The following AHDC1 variants were observed in gnomAD, a reference collection of about 807,000 sequenced individuals.
AHDC1 encodes transcription factor Gibbin.
A neutral mutation model predicts 87.9 loss-of-function variants in AHDC1; 7 were observed. That is an observed-to-expected ratio of 0.08 (90% CI 0.05 to 0.15). The LOEUF (loss-of-function observed/expected upper bound fraction) is 0.15. Ranked by LOEUF, AHDC1 falls within the 10% of genes least tolerant of loss-of-function variation. The pLI is 1.00. For missense variants in AHDC1, 1,841 were observed against 2,253.2 expected (o/e 0.82, Z 3.70); for synonymous variants, 1,051 against 1,006.8 (o/e 1.04, Z -0.83).
At position 27,551,957 on chromosome 1, in the gene AHDC1, G is replaced by A; in HGVS notation, c.159C>T (p.Ser53=). 1 of 1,533,280 alleles carries A rather than the reference G, an allele frequency of 6.5e-7. No homozygotes were observed. The highest frequency in any genetic ancestry group is 8.8e-7 in the Non-Finnish European group (1 of 1,138,212). The allele number at this position is 1,533,280 out of a possible 1,614,324, so 95.0% of individuals were successfully genotyped here. A position where few individuals can be genotyped will look rare whatever the true frequency, so the allele number is the denominator to read the frequency against. The part of the protein sequence containing the change: ...PPASPPDKAF[S]THAFSENPRP... ...GTGGGTTCTCGGAGAAGGCGTGGGT[G>A]GAGAAGGCCTTGTCAGGTGGGCTGG... The change falls in exon 8 of 9, where the codon TCC becomes TCT. Residue 53 remains serine, a synonymous_variant. Transcript: ENST00000673934.
chr1:27,566,378 G>C (rs1011901434), intron 3 of AHDC1, among the ~76,000 whole-genome samples: 1 of 151,950 alleles, frequency 6.6e-6, no homozygotes, highest in Non-Finnish European at 1.5e-5. Flanking sequence ...CAGGAAGAGA[G>C]AGAGACAAGG....
chr1:27,592,767 T>G (rs1296811361), intron 3 of AHDC1, among the ~76,000 whole-genome samples: 1 of 152,130 alleles, frequency 6.6e-6, no homozygotes, highest in East Asian at 1.9e-4. Context: ...GTCATCCCTC[T>G]CTAGCCTGGA....
chr1:27,582,009 C>T (rs1441788594), intron 3 of AHDC1, among the ~76,000 whole-genome samples: 3 of 152,218 alleles, frequency 2.0e-5, no homozygotes, highest in Non-Finnish European at 4.4e-5. Context: ...TTGGGATTGC[C>T]TCTGGGTCCA....
rs1479197513 is a variant in AHDC1, at chr1:27,565,617, C to CT, written c.-628-6735dup. ...TCTAGTCTTTCCTTGTTCCTCATAA[C>CT]TTTGAGTTTGTTCCAGGAACTCAAA... On this transcript the variant is annotated intron_variant, in intron 3 of 8. Coordinates refer to ENST00000673934, the MANE Select transcript of AHDC1 (RefSeq NM_001371928.1). This position sits in a 1 kb window ranked among gnomAD's most constrained non-coding sequence, Gnocchi z 4.6. Among the ~76,000 whole-genome samples the CT allele has an allele frequency of 1.3e-5, 2 of 152,198 alleles. No homozygotes were observed. The highest frequency in any genetic ancestry group is 2.4e-5 in the African/African-American group (1 of 41,446).
At position 27,565,451 on chromosome 1, in the gene AHDC1, A is replaced by C. The variant is rs1018701697; in HGVS notation, c.-628-6568T>G. On this transcript the variant is annotated intron_variant, in intron 3 of 8. Transcript: ENST00000673934. This position sits in a 1 kb window ranked among gnomAD's most constrained non-coding sequence, Gnocchi z 4.6. The stretch of plus-strand genomic sequence containing the variant: ...AGACTGGGAGGGCGGGCCAGACAGC[A>C]GGGGCTGCCAGTCTTGAAGGGAGGC... Among the ~76,000 whole-genome samples the C allele has an allele frequency of 2.0e-5, 3 of 152,180 alleles. No individual in the cohort carries two copies. Among genetic ancestry groups the C allele is most frequent in the Non-Finnish European group, 4.4e-5 (3 of 68,022 alleles).
At position 27,547,273 on chromosome 1, in the gene AHDC1, C is replaced by A. The variant is rs755880842; in HGVS notation, c.*31G>T. 2.6e-6 allele frequency: 4 copies of A among 1,513,558 alleles called. No individual in the cohort carries two copies. The highest frequency in any genetic ancestry group is 2.7e-6 in the Non-Finnish European group (3 of 1,132,032). 93.8% of individuals were successfully genotyped at this position (1,513,558 alleles called of 1,614,324 possible). On this transcript the variant is annotated 3_prime_UTR_variant, in exon 8 of 9. Coordinates refer to ENST00000673934, the MANE Select transcript of AHDC1 (RefSeq NM_001371928.1). This position sits in a 1 kb window ranked among gnomAD's most constrained non-coding sequence, Gnocchi z 4.9. ...TCCCCAGACTCACCCAGGAACAAAA[C>A]CTCGCGGTCCAGTCGGCACTTCAGT...
At chr1:27,588,921 G>A (rs1055641278) in intron 3 of AHDC1, among the ~76,000 whole-genome samples, 1 of 152,048 alleles carries the variant, frequency 6.6e-6, no homozygotes, top group Non-Finnish European at 1.5e-5. Flanking sequence ...AAAGACAAGA[G>A]GGAACACATG....
intron 3 of AHDC1, among the ~76,000 whole-genome samples, chr1:27,579,269 G>A (rs2088843642): frequency 6.6e-6 from 1 of 151,980 alleles, no homozygotes; most frequent in South Asian, 2.1e-4. Flanking sequence ...GGTCTTGTGG[G>A]TTCTGGCTTT....
In AHDC1 at chr1:27,553,765, TA is replaced by T. The variant is rs569627672; in HGVS notation, c.-224-581del. Among the ~76,000 whole-genome samples the T allele has an allele frequency of 5.3e-5, 8 of 151,182 alleles. No individual in the cohort carries two copies. The East Asian group carries it at 7.7e-4, about 15-fold the overall frequency. ...ACAGCACATGGCCTACAGCAGCGCTTAAAAAAAAACAGCTGTTTGGCCAGGC... is the reference window on the plus strand; with the variant it reads ...ACAGCACATGGCCTACAGCAGCGCTTAAAAAAAACAGCTGTTTGGCCAGGC... On this transcript the variant is annotated intron_variant, in intron 5 of 8. Coordinates refer to ENST00000673934, the MANE Select transcript of AHDC1 (RefSeq NM_001371928.1).
chr1:27,588,559 G>A (rs147102475), intron 3 of AHDC1, among the ~76,000 whole-genome samples: 9 of 152,322 alleles, frequency 5.9e-5, no homozygotes, highest in African/African-American at 1.9e-4. Context: ...GTGAAGAGCA[G>A]TAACAAATAC....
At chr1:27,535,849 G>A (rs2018616302) in intron 8 of AHDC1, among the ~76,000 whole-genome samples, 1 of 152,068 alleles carries the variant, frequency 6.6e-6, no homozygotes, top group South Asian at 2.1e-4. Flanking sequence ...CAGACCCCCA[G>A]CTTGGCTAGA....
At chr1:27,570,517 G>A (rs374881852) in intron 3 of AHDC1, among the ~76,000 whole-genome samples, 18 of 152,044 alleles carry the variant, frequency 1.2e-4, no homozygotes, top group South Asian at 8.3e-4. Context: ...AGCTTGATCC[G>A]TACCCTAGAT....
Position 27,550,397 on chromosome 1 carries a change from A to C in AHDC1, c.1719T>G (p.Thr573=). ...GCATGGCCATGGTGGCCGCTGCCACAGTGGCTGCCTCGGCCGCCACCACAG... is the reference window on the plus strand; with the variant it reads ...GCATGGCCATGGTGGCCGCTGCCACCGTGGCTGCCTCGGCCGCCACCACAG... ...EPAVVAAEAA[T]VAAATMAMPE... The change falls in exon 8 of 9, where the codon ACT becomes ACG. Residue 573 remains threonine (T), a synonymous_variant. Transcript: ENST00000673934. 6.2e-7 allele frequency: 1 copy of C among 1,612,462 alleles called. No individual in the cohort carries two copies. The highest frequency in any genetic ancestry group is 8.5e-7 in the Non-Finnish European group (1 of 1,178,984).
At chr1:27,539,902 C>T (rs564822688) in intron 8 of AHDC1, among the ~76,000 whole-genome samples, 6 of 152,250 alleles carry the variant, frequency 3.9e-5, no homozygotes, top group African/African-American at 1.4e-4. Flanking sequence ...TGTGTCTCTA[C>T]CACCTCTCAG....
chr1:27,593,132 C>T lies in AHDC1; in HGVS notation c.-629+10265G>A, dbSNP rs1315372890. 2.6e-5 allele frequency among the ~76,000 whole-genome samples: 4 copies of T among 152,156 alleles called. No homozygotes were observed. Among genetic ancestry groups the T allele is most frequent in the Middle Eastern group, 6.8e-3 (2 of 294 alleles). ...GTGGAACGGAGTAGACACGGTGTCT[C>T]CTCAGGGAAGGCCCCTAGGGTCCCG... is the stretch of plus-strand genomic sequence containing the variant. On this transcript the variant is annotated intron_variant, in intron 3 of 8. Coordinates refer to ENST00000673934, the MANE Select transcript of AHDC1 (RefSeq NM_001371928.1). The surrounding 1 kb of genome is among the most constrained non-coding windows in gnomAD (Gnocchi z 4.9).
At chr1:27,575,764 C>T (rs1038330373) in intron 3 of AHDC1, among the ~76,000 whole-genome samples, 9 of 151,726 alleles carry the variant, frequency 5.9e-5, no homozygotes, top group Non-Finnish European at 8.8e-5. Context: ...GCCCCGGGCC[C>T]GGCGGAATGC....
intron 3 of AHDC1, among the ~76,000 whole-genome samples, chr1:27,566,825 AAGG>A (rs1379485939): frequency 1.6e-5 from 2 of 128,422 alleles, no homozygotes; most frequent in African/African-American, 3.0e-5. Flanking sequence ...TGGGGGGAAG[AAGG>A]AGCAGAGCTG....
In AHDC1 at chr1:27,599,224, C is replaced by T. The variant is rs904555352; in HGVS notation, c.-629+4173G>A. On this transcript the variant is annotated intron_variant, in intron 3 of 8. Coordinates refer to ENST00000673934, the MANE Select transcript of AHDC1 (RefSeq NM_001371928.1). ...AGGGCCAGGGGCTGGCTCCCTCCCT[C>T]TCGAGCTCTCCTTGCCCCTGGTTGG... is the stretch of plus-strand genomic sequence containing the variant. 3.3e-5 allele frequency among the ~76,000 whole-genome samples: 5 copies of T among 152,190 alleles called. No homozygotes were observed. In the East Asian group the frequency reaches 5.8e-4, roughly 18 times the overall value.
chr1:27,568,189 A>G (rs1163997629), intron 3 of AHDC1: 5 of 152,422 alleles, frequency 3.3e-5, no homozygotes, highest in South Asian at 4.1e-4. Context: ...TCCATGGAGC[A>G]GTGTGGGGGT....
Sources: allele counts gnomAD v4.1 joint callset (sites outside exome capture counted in the v4.1 genomes callset), GRCh38; gene constraint gnomAD v4.1.1; non-coding constraint Gnocchi (gnomAD v3.1); transcripts MANE v1.5; gene names NCBI Gene and HGNC (gene_info 2026-07-23, HGNC 2026-07-21).